The following CACNA1A variants were observed in gnomAD, a reference collection of about 807,000 sequenced individuals.
CACNA1A encodes voltage-dependent P/Q-type calcium channel subunit alpha-1A.
A neutral mutation model predicts 262.4 loss-of-function variants in CACNA1A; 57 were observed. The ratio of observed to expected loss-of-function variants is 0.22; its 90% CI spans 0.18 to 0.27. CACNA1A has a LOEUF of 0.27. CACNA1A is among the 10% of genes least tolerant of loss of function. The pLI is 1.00. For synonymous variants in CACNA1A, 1,431 were observed against 1,419.3 expected, an observed-to-expected ratio of 1.01 and a Z score of -0.18; for missense variants, 2,526 against 3,562.8, an observed-to-expected ratio of 0.71 and a Z score of 7.41.
chr19:13,221,487 C>T (rs2055229838), intron 38 of CACNA1A, among the ~76,000 whole-genome samples: 1 of 151,756 alleles, frequency 6.6e-6, no homozygotes, highest in Admixed American at 6.6e-5. Flanking sequence ...CCTTCCTCAG[C>T]CTCCCAAAGT....
intron 15 of CACNA1A, among the ~76,000 whole-genome samples, chr19:13,304,800 A>G (rs2057867945): frequency 6.6e-6 from 1 of 151,996 alleles, no homozygotes; most frequent in African/African-American, 2.4e-5. Flanking sequence ...CCCTGCTAAC[A>G]CTTTGATCTT....
At chr19:13,491,633 G>A (rs1297671920) in intron 1 of CACNA1A, among the ~76,000 whole-genome samples, 1 of 152,198 alleles carries the variant, frequency 6.6e-6, no homozygotes, top group East Asian at 1.9e-4. Context: ...AGCTTGGAGA[G>A]CTTGCACTAA....
At chr19:13,372,108 G>A (rs1448362434) in intron 3 of CACNA1A, among the ~76,000 whole-genome samples, 2 of 151,932 alleles carry the variant, frequency 1.3e-5, no homozygotes, top group African/African-American at 4.8e-5. Context: ...TTGTGGGGTG[G>A]CCTGGGGCCC....
intron 22 of CACNA1A, among the ~76,000 whole-genome samples, chr19:13,281,519 C>A (rs74482662): frequency 0.056 from 8,475 of 152,062 alleles, 678 homozygotes; most frequent in East Asian, 0.23. Flanking sequence ...TCTGGATCAT[C>A]CTCTAGAGTG....
intron 6 of CACNA1A, among the ~76,000 whole-genome samples, chr19:13,344,507 C>T (rs1377068830): frequency 6.6e-6 from 1 of 152,116 alleles, no homozygotes; most frequent in African/African-American, 2.4e-5. Flanking sequence ...CTTCCTGCAG[C>T]TCAGCCAGAC....
At chr19:13,244,318 C>G (rs958963548) in intron 31 of CACNA1A, 9 of 152,290 alleles carry the variant, frequency 5.9e-5, no homozygotes, top group African/African-American at 1.7e-4. Flanking sequence ...GAGACCAAGA[C>G]CTCTACCCTG....
intron 45 of CACNA1A, 144 bp from the exon 46 acceptor site, chr19:13,209,153 G>A (rs1293157435): frequency 1.5e-6 from 2 of 1,340,684 alleles, no homozygotes; most frequent in African/African-American, 1.4e-5. Flanking sequence ...GGGGGAGGGG[G>A]TAGTACCCAG....
At chr19:13,223,234 C>T (rs2055302465) in intron 38 of CACNA1A, among the ~76,000 whole-genome samples, 1 of 151,670 alleles carries the variant, frequency 6.6e-6, no homozygotes, top group Non-Finnish European at 1.5e-5. Context: ...TGCTCTGTCA[C>T]CCAGGCTGTA....
At position 13,308,358 on chromosome 19, in the gene CACNA1A, C is replaced by G. The variant is rs957584458; in HGVS notation, c.1781+58G>C. On this transcript the variant is annotated intron_variant, in intron 13 of 46. Transcript: ENST00000360228. The surrounding 1 kb of genome is among the most constrained non-coding windows in gnomAD (Gnocchi z 4.2). ...CTTTCCCAACTTTCTGGAGGCGGCC[C>G]CACCATGTCCCCCATCCCCACCCCC... The G allele has an allele frequency of 1.3e-6, 2 of 1,538,242 alleles. No individual in the cohort carries two copies. The highest frequency in any genetic ancestry group is 1.4e-5 in the African/African-American group (1 of 73,198).
chr19:13,464,755 A>C (rs539865740), intron 1 of CACNA1A, among the ~76,000 whole-genome samples: 3 of 151,260 alleles, frequency 2.0e-5, no homozygotes, highest in South Asian at 2.1e-4. Context: ...TCACCGTGTT[A>C]GCCAGGGTGG....
chr19:13,501,420 G>A (rs545655728), intron 1 of CACNA1A, among the ~76,000 whole-genome samples: 6 of 151,856 alleles, frequency 4.0e-5, no homozygotes, highest in African/African-American at 7.2e-5. Context: ...ATGATCCACC[G>A]GCCTCAGCCT....
At position 13,455,194 on chromosome 19, in the gene CACNA1A, A is replaced by G; in HGVS notation, c.312T>C (p.Ile104=). ...TGCAATTCGCTATGATGGTGGCTAA[A>G]ATCATATATTCAAAGGGAGTATTGG... The part of the protein sequence containing the change: ...ITEWPPFEYM[I]LATIIANCIV... The change falls in exon 2 of 47, where the codon ATT becomes ATC. Residue 104 remains isoleucine, a synonymous_variant. Transcript: ENST00000360228. The G allele has an allele frequency of 6.2e-7, 1 of 1,606,464 alleles. No individual in the cohort carries two copies. Among genetic ancestry groups the G allele is most frequent in the Non-Finnish European group, 8.5e-7 (1 of 1,173,178 alleles).
At chr19:13,312,459 C>T (rs1250192743) in intron 12 of CACNA1A, among the ~76,000 whole-genome samples, 1 of 152,176 alleles carries the variant, frequency 6.6e-6, no homozygotes, top group African/African-American at 2.4e-5. Flanking sequence ...CAAAGGGGGT[C>T]TATACGTTTT....
chr19:13,466,280 C>T (rs565951042), intron 1 of CACNA1A, among the ~76,000 whole-genome samples: 17 of 150,976 alleles, frequency 1.1e-4, no homozygotes, highest in African/African-American at 3.9e-4. Flanking sequence ...TTGCACTTTA[C>T]CCTGGGCGAC....
intron 6 of CACNA1A, among the ~76,000 whole-genome samples, chr19:13,338,265 A>G (rs1568549299): frequency 6.6e-6 from 1 of 152,154 alleles, no homozygotes; most frequent in East Asian, 1.9e-4. Context: ...ATACTGTATG[A>G]TAATCACTGT....
At chr19:13,477,441 A>G (rs1184986553) in intron 1 of CACNA1A, among the ~76,000 whole-genome samples, 2 of 152,202 alleles carry the variant, frequency 1.3e-5, no homozygotes, top group Non-Finnish European at 1.5e-5. Flanking sequence ...GCCACCATGT[A>G]TACTCCTTCA....
chr19:13,302,860 T>C (rs1457629732), intron 17 of CACNA1A, among the ~76,000 whole-genome samples: 1 of 152,176 alleles, frequency 6.6e-6, no homozygotes, highest in Non-Finnish European at 1.5e-5. Context: ...CTTGGTTTGG[T>C]TCAATTTCAC....
chr19:13,259,589 C>T lies in CACNA1A; in HGVS notation c.4363G>A (p.Val1455Met), dbSNP rs121908237. 6.2e-7 allele frequency: 1 copy of T among 1,608,998 alleles called. No homozygotes were observed. Among genetic ancestry groups the T allele is most frequent in the South Asian group, 1.1e-5 (1 of 89,914 alleles). The change falls in exon 27 of 47, where the codon GTG becomes ATG. Residue 1455 changes from valine to methionine, a missense_variant. Coordinates refer to ENST00000360228, the MANE Select transcript of CACNA1A (RefSeq NM_001127222.2). ...TGTGGCCAGCCTTCTCCCGTGGACA[C>T]GGTGAAGAGGGTCAGCAGAGCCCAC... ...VLWALLTLFTVSTGEGWPQVL... is the reference protein window; with the variant it reads ...VLWALLTLFTMSTGEGWPQVL...
intron 38 of CACNA1A, among the ~76,000 whole-genome samples, chr19:13,217,876 A>G (rs886086250): frequency 1.3e-5 from 2 of 150,602 alleles, no homozygotes; most frequent in African/African-American, 4.9e-5. Flanking sequence ...GTCCTGCCTG[A>G]AGAGTGTCTT....
Sources: allele counts gnomAD v4.1 joint callset (sites outside exome capture counted in the v4.1 genomes callset), GRCh38; gene constraint gnomAD v4.1.1; non-coding constraint Gnocchi (gnomAD v3.1); transcripts MANE v1.5; gene names NCBI Gene and HGNC (gene_info 2026-07-23, HGNC 2026-07-21).